Variants in RCAN2 observed in about 807,000 individuals in gnomAD.
RCAN2 encodes the protein regulator of calcineurin 2.
A neutral mutation model predicts 23.6 loss-of-function variants in RCAN2; 9 were observed. That is an observed-to-expected ratio of 0.38 (90% CI 0.23 to 0.67). RCAN2 has a LOEUF of 0.67. RCAN2 is among the 30% of genes least tolerant of loss of function. The probability of loss-of-function intolerance (pLI) is 0.51; values close to 1 mark genes in which losing one functional copy is unlikely to be tolerated. For missense variants in RCAN2, 273 were observed against 302.3 expected (o/e 0.90, Z 0.72); for synonymous variants, 109 against 115.7 (o/e 0.94, Z 0.37).
intron 2 of RCAN2, among the ~76,000 whole-genome samples, chr6:46,372,648 A>C (rs1765352953): frequency 6.6e-6 from 1 of 152,238 alleles, no homozygotes; most frequent in Non-Finnish European, 1.5e-5. Flanking sequence ...TTGAGATATG[A>C]TAGTCCAGAA....
chr6:46,358,324 A>T (rs796828580), intron 2 of RCAN2, among the ~76,000 whole-genome samples: 27 of 152,286 alleles, frequency 1.8e-4, no homozygotes, highest in Admixed American at 7.8e-4. Context: ...TCATGAGCAC[A>T]CTTCCCCAGG....
At chr6:46,285,040 T>C (rs1561842569) in intron 2 of RCAN2, among the ~76,000 whole-genome samples, 1 of 152,370 alleles carries the variant, frequency 6.6e-6, no homozygotes, top group East Asian at 1.9e-4. Context: ...ACCATCTATT[T>C]GTTGATCTAT....
intron 2 of RCAN2, among the ~76,000 whole-genome samples, chr6:46,312,177 T>C (rs1228011206): frequency 2.0e-5 from 3 of 152,224 alleles, no homozygotes; most frequent in Non-Finnish European, 2.9e-5. Context: ...GCTGGTGCTA[T>C]GATGGCAACA....
intron 2 of RCAN2, among the ~76,000 whole-genome samples, chr6:46,378,339 G>A (rs1765535706): frequency 6.6e-6 from 1 of 152,190 alleles, no homozygotes; most frequent in Non-Finnish European, 1.5e-5. Context: ...ACTTGAGCTA[G>A]AGACTGCTTA....
chr6:46,262,491 C>T (rs1401405652), intron 2 of RCAN2, among the ~76,000 whole-genome samples: 7 of 152,042 alleles, frequency 4.6e-5, no homozygotes, highest in African/African-American at 9.7e-5. Flanking sequence ...TGCAGTAGCT[C>T]ATGCTTGTAA....
In RCAN2 at chr6:46,488,149, A is replaced by G. The variant is rs556262690; in HGVS notation, c.-3+3024T>C. Among the ~76,000 whole-genome samples, 4 of 152,348 alleles carry G rather than the reference A, an allele frequency of 2.6e-5. No individual in the cohort carries two copies. In the South Asian group the frequency reaches 8.3e-4, roughly 32 times the overall value. ...AGGGCAAAAAACACATTCCAGGATA[A>G]AAAAGAATTATTTTAATGCTATTAA... On this transcript the variant is annotated intron_variant, in intron 1 of 4. Coordinates refer to ENST00000371374, the MANE Select transcript of RCAN2 (RefSeq NM_001251974.2).
chr6:46,390,125 C>T (rs1485556283), intron 2 of RCAN2, among the ~76,000 whole-genome samples: 1 of 151,666 alleles, frequency 6.6e-6, no homozygotes, highest in Non-Finnish European at 1.5e-5. Context: ...ATGTCACAAG[C>T]AAGAAGTCTG....
At position 46,378,614 on chromosome 6, in the gene RCAN2, A is replaced by G. The variant is rs192900409; in HGVS notation, c.225+78138T>C. Among the ~76,000 whole-genome samples the G allele has an allele frequency of 5.3e-5, 8 of 152,320 alleles. No homozygotes were observed. The East Asian group carries it at 1.5e-3, about 29-fold the overall frequency. On this transcript the variant is annotated intron_variant, in intron 2 of 4. Transcript: ENST00000371374. Reference sequence around the variant, plus strand: ...TTACAATATGTGAGACATTAAAAAGAGCTGCCATATTCAGTTGTGCAGGTT... The same window carrying G: ...TTACAATATGTGAGACATTAAAAAGGGCTGCCATATTCAGTTGTGCAGGTT...
intron 2 of RCAN2, among the ~76,000 whole-genome samples, chr6:46,251,564 C>G (rs1389544121): frequency 1.3e-5 from 2 of 152,066 alleles, no homozygotes; most frequent in African/African-American, 2.4e-5. Flanking sequence ...GCCATTAAGT[C>G]TAGCTTTTGA....
chr6:46,369,304 T>A (rs940677195), intron 2 of RCAN2, among the ~76,000 whole-genome samples: 7 of 152,018 alleles, frequency 4.6e-5, no homozygotes, highest in South Asian at 2.1e-4. Context: ...TTAACTTTTT[T>A]AAAAAAATAG....
chr6:46,437,779 CAG>C (rs1242563683), intron 2 of RCAN2, among the ~76,000 whole-genome samples: 2 of 152,174 alleles, frequency 1.3e-5, no homozygotes, highest in Non-Finnish European at 2.9e-5. Context: ...AGTCCAGACA[CAG>C]GGGCTATTCT....
At chr6:46,411,334 G>A (rs912950953) in intron 2 of RCAN2, among the ~76,000 whole-genome samples, 1 of 152,220 alleles carries the variant, frequency 6.6e-6, no homozygotes, top group African/African-American at 2.4e-5. Flanking sequence ...GGGCCTGGGA[G>A]GATGGGGAGC....
chr6:46,469,565 A>C (rs1224721481), intron 1 of RCAN2, among the ~76,000 whole-genome samples: 3 of 152,300 alleles, frequency 2.0e-5, no homozygotes, highest in South Asian at 4.1e-4. Context: ...TTTAGCTGAT[A>C]ATCCACCTTT....
chr6:46,487,232 ACT>A (rs1247021375), intron 1 of RCAN2, among the ~76,000 whole-genome samples: 1 of 152,076 alleles, frequency 6.6e-6, no homozygotes, highest in Non-Finnish European at 1.5e-5. Context: ...AGAATTGAAA[ACT>A]CTGTGTTGTG....
At chr6:46,488,244 T>G (rs749203005) in intron 1 of RCAN2, among the ~76,000 whole-genome samples, 1 of 152,232 alleles carries the variant, frequency 6.6e-6, no homozygotes, top group Non-Finnish European at 1.5e-5. Flanking sequence ...TTACAAACTG[T>G]GTGACCCACG....
At chr6:46,447,449 A>G (rs1582209401) in intron 2 of RCAN2, among the ~76,000 whole-genome samples, 1 of 152,074 alleles carries the variant, frequency 6.6e-6, no homozygotes, top group Non-Finnish European at 1.5e-5. Flanking sequence ...CAGACAGAAT[A>G]TCAATAAGGA....
At chr6:46,319,472 AAC>A (rs1763540738) in intron 2 of RCAN2, among the ~76,000 whole-genome samples, 1 of 152,232 alleles carries the variant, frequency 6.6e-6, no homozygotes. Flanking sequence ...GTTACTTCTC[AAC>A]AGTTAAAAGA....
At chr6:46,402,821 A>G (rs1334102562) in intron 2 of RCAN2, among the ~76,000 whole-genome samples, 1 of 152,166 alleles carries the variant, frequency 6.6e-6, no homozygotes, top group East Asian at 1.9e-4. Context: ...TTTATTCTGA[A>G]GGCTCCTGTG....
At chr6:46,362,170 C>A (rs1288743318) in intron 2 of RCAN2, among the ~76,000 whole-genome samples, 1 of 152,120 alleles carries the variant, frequency 6.6e-6, no homozygotes, top group East Asian at 1.9e-4. Context: ...GATATACATG[C>A]TATAGATGTG....
Sources: gnomAD v4.1 joint callset for allele counts (sites outside exome capture counted in the v4.1 genomes callset) on GRCh38, gnomAD v4.1.1 for gene constraint, MANE v1.5 for transcripts, NCBI Gene and HGNC (gene_info 2026-07-23, HGNC 2026-07-21) for gene names.